The following NRXN3 variants were observed in gnomAD, a reference collection of about 807,000 sequenced individuals.
The protein encoded by NRXN3 is neurexin 3.
In NRXN3, 32 loss-of-function variants were observed where a neutral mutation model predicts 137.6. The observed-to-expected ratio is 0.23, with a 90% CI of 0.18 to 0.31. NRXN3 has a LOEUF of 0.31. NRXN3 is among the 10% of genes least tolerant of loss of function. The pLI is 1.00. For synonymous variants in NRXN3, 798 were observed against 784.5 expected (o/e 1.02, Z -0.29); for missense variants, 1,574 against 2,062.5 (o/e 0.76, Z 4.59).
At chr14:78,613,564 G>T (rs2097317945) in intron 4 of NRXN3, among the ~76,000 whole-genome samples, 1 of 142,890 alleles carries the variant, frequency 7.0e-6, no homozygotes. Flanking sequence ...GGAGAAAACT[G>T]TCTCACAACC....
intron 10 of NRXN3, among the ~76,000 whole-genome samples, chr14:78,847,931 G>T (rs1238901801): frequency 6.6e-6 from 1 of 152,104 alleles, no homozygotes; most frequent in Non-Finnish European, 1.5e-5. Context: ...ACTAAGTTAG[G>T]CTGTCTTTTC....
chr14:79,590,466 G>A (rs1328788058), intron 16 of NRXN3, among the ~76,000 whole-genome samples: 1 of 141,586 alleles, frequency 7.1e-6, no homozygotes, highest in African/African-American at 2.7e-5. Flanking sequence ...TCAATACTGA[G>A]TTGACTGTCA....
At chr14:78,714,163 A>G (rs960610441) in intron 7 of NRXN3, among the ~76,000 whole-genome samples, 5 of 152,212 alleles carry the variant, frequency 3.3e-5, no homozygotes, top group Non-Finnish European at 5.9e-5. Context: ...TGAATGCCCA[A>G]TCTAGAGAGT....
chr14:78,279,356 A>G (rs570356275), intron 3 of NRXN3, among the ~76,000 whole-genome samples: 2 of 152,374 alleles, frequency 1.3e-5, no homozygotes, highest in Admixed American at 6.5e-5. Context: ...GCACACACAC[A>G]TACATAGAAT....
intron 4 of NRXN3, among the ~76,000 whole-genome samples, chr14:78,591,750 A>G (rs976104471): frequency 4.6e-5 from 7 of 152,224 alleles, no homozygotes; most frequent in South Asian, 2.1e-4. Flanking sequence ...CCCAGTGCCT[A>G]TAAGAGTAGA....
intron 16 of NRXN3, among the ~76,000 whole-genome samples, chr14:79,592,385 A>G (rs771360747): frequency 1.3e-5 from 2 of 152,208 alleles, no homozygotes; most frequent in Non-Finnish European, 2.9e-5. Context: ...TGTCTACTGT[A>G]ATAAAATATT....
chr14:79,376,206 GTGTGTATGTA>G lies in NRXN3; in HGVS notation c.3263-91013_3263-91004del, dbSNP rs1463315658. Among the ~76,000 whole-genome samples the G allele has an allele frequency of 7.1e-4, 38 of 53,878 alleles. 1 individual carries two copies. Among genetic ancestry groups the G allele is most frequent in the African/African-American group, 2.6e-3 (33 of 12,494 alleles). 35.3% of individuals were successfully genotyped at this position (53,878 alleles called of 152,430 possible). ...TATATATACATGTGGGTGTGTGTGT[GTGTGTATGTA>G]TATATATATATATATATATATATAT... On this transcript the variant is annotated intron_variant, in intron 15 of 20. Coordinates refer to ENST00000335750, the MANE Select transcript of NRXN3 (RefSeq NM_001330195.2).
intron 15 of NRXN3, among the ~76,000 whole-genome samples, chr14:79,132,894 C>A (rs1454138013): frequency 6.6e-6 from 1 of 152,232 alleles, no homozygotes; most frequent in Non-Finnish European, 1.5e-5. Context: ...CTAACATGAC[C>A]TTTCAGTTTG....
chr14:78,370,056 C>A (rs74626702), intron 4 of NRXN3, among the ~76,000 whole-genome samples: 2 of 152,264 alleles, frequency 1.3e-5, no homozygotes, highest in Non-Finnish European at 2.9e-5. Flanking sequence ...TATCACCAAT[C>A]CAGCCAATGC....
intron 15 of NRXN3, among the ~76,000 whole-genome samples, chr14:79,329,112 T>C (rs2091315202): frequency 6.6e-6 from 1 of 152,182 alleles, no homozygotes; most frequent in African/African-American, 2.4e-5. Flanking sequence ...ATGGAAAACA[T>C]GTTCTTTAAG....
chr14:79,085,532 G>A (rs1003352634), intron 15 of NRXN3, among the ~76,000 whole-genome samples: 2 of 152,062 alleles, frequency 1.3e-5, no homozygotes, highest in South Asian at 2.1e-4. Context: ...TGGGAAAATG[G>A]TCTTCTTCAA....
intron 8 of NRXN3, among the ~76,000 whole-genome samples, chr14:78,722,791 T>C (rs1314125386): frequency 1.3e-5 from 2 of 152,232 alleles, no homozygotes; most frequent in Non-Finnish European, 2.9e-5. Flanking sequence ...TTGACTGTGG[T>C]TCTCATAAAT....
At chr14:78,218,305 A>G (rs532745978) in intron 1 of NRXN3, among the ~76,000 whole-genome samples, 1 of 152,268 alleles carries the variant, frequency 6.6e-6, no homozygotes, top group African/African-American at 2.4e-5. Flanking sequence ...GCAGTAAGCC[A>G]TGCTCACGCC....
intron 15 of NRXN3, among the ~76,000 whole-genome samples, chr14:79,285,235 T>C (rs1379128586): frequency 6.6e-6 from 1 of 152,222 alleles, no homozygotes; most frequent in Non-Finnish European, 1.5e-5. Context: ...GATGAAATTT[T>C]ACAGTAAGAA....
At chr14:78,458,738 C>A (rs774171194) in intron 4 of NRXN3, among the ~76,000 whole-genome samples, 5 of 152,160 alleles carry the variant, frequency 3.3e-5, no homozygotes, top group African/African-American at 4.8e-5. Context: ...AGAGGCTTCC[C>A]TTGCAAACAG....
intron 4 of NRXN3, among the ~76,000 whole-genome samples, chr14:78,558,846 AAGTGCATTACCTAC>A (rs1402972253): frequency 6.6e-6 from 1 of 152,212 alleles, no homozygotes; most frequent in African/African-American, 2.4e-5. Flanking sequence ...GCACTGTGCT[AAGTGCATTACCTAC>A]ATTATTGTTT....
chr14:78,967,403 A>G lies in NRXN3; in HGVS notation c.2968+5A>G, dbSNP rs752405912. The G allele has an allele frequency of 6.2e-7, 1 of 1,607,640 alleles. No individual in the cohort carries two copies. The highest frequency in any genetic ancestry group is 8.5e-7 in the Non-Finnish European group (1 of 1,175,300). On this transcript the variant is annotated splice_donor_5th_base_variant and intron_variant, in intron 13 of 20. Transcript: ENST00000335750. Reference sequence around the variant, plus strand: ...CCAAAAATCTGGATTTGAAAGGTAAACCTTGTAAAGAAATTTAGTTTTTAA... The same window carrying G: ...CCAAAAATCTGGATTTGAAAGGTAAGCCTTGTAAAGAAATTTAGTTTTTAA...
At chr14:79,156,622 A>C (rs531201738) in intron 15 of NRXN3, among the ~76,000 whole-genome samples, 1 of 151,922 alleles carries the variant, frequency 6.6e-6, no homozygotes, top group South Asian at 2.1e-4. Context: ...CTTCCTTAAC[A>C]GAATCCTATT....
intron 16 of NRXN3, among the ~76,000 whole-genome samples, chr14:79,590,643 C>G (rs543092945): frequency 6.6e-6 from 1 of 152,210 alleles, no homozygotes; most frequent in African/African-American, 2.4e-5. Flanking sequence ...GGCCTCAAAT[C>G]AGCTTGCCTA....
Sources: gnomAD v4.1 joint callset for allele counts (sites outside exome capture counted in the v4.1 genomes callset) on GRCh38, gnomAD v4.1.1 for gene constraint, MANE v1.5 for transcripts, NCBI Gene and HGNC (gene_info 2026-07-23, HGNC 2026-07-21) for gene names.